The following ABCA5 variants were observed in gnomAD, a reference collection of about 807,000 sequenced individuals.
The protein encoded by ABCA5 is cholesterol transporter ABCA5.
A neutral mutation model predicts 206.0 loss-of-function variants in ABCA5; 163 were observed. The ratio of observed to expected loss-of-function variants is 0.79; its 90% CI spans 0.70 to 0.90. ABCA5 has a LOEUF of 0.90. Ranked by LOEUF, ABCA5 falls within the 40% of genes least tolerant of loss-of-function variation. ABCA5 has a pLI of 0.00. For missense variants in ABCA5, 1,859 were observed against 1,912.9 expected (o/e 0.97, Z 0.53); for synonymous variants, 609 against 613.8 (o/e 0.99, Z 0.11).
chr17:69,304,875 T>G, intron 6 of ABCA5, 65 bp from the exon 7 acceptor site: 9 of 1,363,828 alleles, frequency 6.6e-6, no homozygotes, highest in Non-Finnish European at 8.7e-6. Context: ...AAAAATCATT[T>G]TAAACAAAAT....
In ABCA5 at chr17:69,261,207, G is replaced by A; in HGVS notation, c.3482C>T (p.Thr1161Ile). 2 of 1,608,916 alleles carry A rather than the reference G, an allele frequency of 1.2e-6. No homozygotes were observed. The highest frequency in any genetic ancestry group is 1.7e-6 in the Non-Finnish European group (2 of 1,177,314). The change falls in exon 26 of 39, where the codon ACA becomes ATA. Residue 1161 changes from threonine to isoleucine, a missense_variant. Transcript: ENST00000392676. Reference sequence around the variant, plus strand: ...GGCATAATGAAGAATAGTTGCAATTGTGTATCCCATAAAGAAAGTTATTTC... The same window carrying A: ...GGCATAATGAAGAATAGTTGCAATTATGTATCCCATAAAGAAAGTTATTTC... The part of the protein sequence containing the change: ...ITEITFFMGY[T>I]IATILHYAFC...
chr17:69,287,366 CAT>C (rs2075468822), intron 15 of ABCA5, among the ~76,000 whole-genome samples: 1 of 152,138 alleles, frequency 6.6e-6, no homozygotes, highest in South Asian at 2.1e-4. Flanking sequence ...TGTAATAAAT[CAT>C]AGTCATGAGT....
rs1027294540 is a variant in ABCA5 at position 69,327,112 on chromosome 17, G to C, written c.-76C>G. 6.6e-6 allele frequency: 1 copy of C among 152,166 alleles called. No individual in the cohort carries two copies. Among genetic ancestry groups the C allele is most frequent in the Admixed American group, 6.5e-5 (1 of 15,272 alleles). 9.4% of individuals were successfully genotyped at this position (152,166 alleles called of 1,614,324 possible). A position where few individuals can be genotyped will look rare whatever the true frequency, so the allele number is the denominator to read the frequency against. ...CGCGCTCAGTCTGTTGACTCAGTGC[G>C]GGTGACCCAGCTGGGATCTGTGCGA... On this transcript the variant is annotated 5_prime_UTR_variant, in exon 1 of 39. Transcript: ENST00000392676.
At chr17:69,300,779 T>C (rs920875052) in intron 9 of ABCA5, among the ~76,000 whole-genome samples, 2 of 152,124 alleles carry the variant, frequency 1.3e-5, no homozygotes, top group Non-Finnish European at 2.9e-5. Flanking sequence ...TGGCTATAGA[T>C]GTGGACAGGA....
At chr17:69,255,156 C>G (rs1404926089) in intron 31 of ABCA5, among the ~76,000 whole-genome samples, 1 of 152,062 alleles carries the variant, frequency 6.6e-6, no homozygotes, top group Non-Finnish European at 1.5e-5. Flanking sequence ...GAAATGGGAT[C>G]AGGGTAGTTT....
At chr17:69,316,053 T>C (rs1369497949) in intron 1 of ABCA5, among the ~76,000 whole-genome samples, 2 of 151,628 alleles carry the variant, frequency 1.3e-5, no homozygotes, top group African/African-American at 2.4e-5. Flanking sequence ...AAAAACACAA[T>C]AATAAATAAA....
intron 1 of ABCA5, among the ~76,000 whole-genome samples, chr17:69,321,112 C>A (rs1245676283): frequency 6.6e-6 from 1 of 152,192 alleles, no homozygotes; most frequent in Non-Finnish European, 1.5e-5. Flanking sequence ...AAGGACAATA[C>A]TGACTAGCCT....
rs755724456 is a variant in ABCA5 at position 69,314,326 on chromosome 17, CT to C, written c.89del (p.Lys30ArgfsTer17). On this transcript the variant is annotated frameshift_variant, in exon 2 of 39. Transcript: ENST00000392676. LOFTEE classifies it high-confidence loss of function. ...TTATTTAACTTACCTGAACACTACT[CT>C]TTTTGGTTCTGCATTTAATTAAGTA... ...KNYLIKCRTK[K>X]SSVQEILFPL... 1.9e-6 allele frequency: 3 copies of C among 1,611,940 alleles called. No individual in the cohort carries two copies. Among genetic ancestry groups the C allele is most frequent in the African/African-American group, 2.7e-5 (2 of 74,986 alleles).
At chr17:69,261,787 G>T in intron 24 of ABCA5, 39 bp from the exon 25 acceptor site, 1 of 827,366 alleles carries the variant, frequency 1.2e-6, no homozygotes, top group Non-Finnish European at 1.8e-6. Flanking sequence ...AATATGAATA[G>T]CTTGCAATAC....
At chr17:69,277,315 T>A (rs1325068497) in intron 19 of ABCA5, among the ~76,000 whole-genome samples, 1 of 152,150 alleles carries the variant, frequency 6.6e-6, no homozygotes, top group African/African-American at 2.4e-5. Context: ...TGTATTAATA[T>A]ATTCAAGGAA....
intron 23 of ABCA5, among the ~76,000 whole-genome samples, chr17:69,265,240 T>G (rs1417823200): frequency 6.6e-6 from 1 of 152,152 alleles, no homozygotes; most frequent in Non-Finnish European, 1.5e-5. Context: ...AAAACATTAC[T>G]ACTTTTGAAA....
chr17:69,284,817 AC>A (rs907060675), intron 17 of ABCA5, among the ~76,000 whole-genome samples: 1 of 152,220 alleles, frequency 6.6e-6, no homozygotes, highest in Non-Finnish European at 1.5e-5. Context: ...AAGGCAAATA[AC>A]ATTTTGGTAT....
chr17:69,251,190 A>G (rs2075009291), intron 35 of ABCA5: 1 of 153,178 alleles, frequency 6.5e-6, no homozygotes, highest in Non-Finnish European at 1.5e-5. Context: ...TATCTGCACA[A>G]CATCGTTTAG....
chr17:69,309,034 T>C (rs2075745455), intron 4 of ABCA5, among the ~76,000 whole-genome samples: 1 of 152,064 alleles, frequency 6.6e-6, no homozygotes, highest in African/African-American at 2.4e-5. Flanking sequence ...ATTTAATATA[T>C]ATAAATGTAT....
intron 1 of ABCA5, among the ~76,000 whole-genome samples, chr17:69,324,909 C>T (rs1445820633): frequency 6.6e-6 from 1 of 152,096 alleles, no homozygotes; most frequent in Non-Finnish European, 1.5e-5. Context: ...ACATCATTTG[C>T]TTCTCAATCA....
At position 69,244,866 on chromosome 17, in the gene ABCA5, ATAGT is replaced by A. The variant is rs968339792; in HGVS notation, c.*2667_*2670del. 8.0e-5 allele frequency: 12 copies of A among 150,122 alleles called. No individual in the cohort carries two copies. Among genetic ancestry groups the A allele is most frequent in the East Asian group, 3.9e-4 (2 of 5,170 alleles). The allele number at this position is 150,122 out of a possible 1,614,324, so 9.3% of individuals were successfully genotyped here. A position where few individuals can be genotyped will look rare whatever the true frequency, so the allele number is the denominator to read the frequency against. On this transcript the variant is annotated 3_prime_UTR_variant, in exon 39 of 39. Coordinates refer to ENST00000392676, the MANE Select transcript of ABCA5 (RefSeq NM_172232.4). ...CTACTAGCAAAGGATTTGTCATATT[ATAGT>A]TAGTTATATAAAATAATAGCTAGTT... is the stretch of plus-strand genomic sequence containing the variant.
At chr17:69,321,319 C>T (rs1033142373) in intron 1 of ABCA5, among the ~76,000 whole-genome samples, 6 of 152,130 alleles carry the variant, frequency 3.9e-5, no homozygotes, top group African/African-American at 1.4e-4. Flanking sequence ...GTGTTCCTGA[C>T]AGAAGCATAT....
At chr17:69,282,211 TA>T (rs1297806684) in intron 18 of ABCA5, among the ~76,000 whole-genome samples, 10 of 152,318 alleles carry the variant, frequency 6.6e-5, no homozygotes, top group Admixed American at 2.0e-4. Flanking sequence ...TCCTCTTTCC[TA>T]AACACCATTT....
rs1307453670 is a variant in ABCA5, at chr17:69,326,425, T to C, written c.-16+627A>G. ...CAGGGGAAAACCTCCTTCAGCTTAA[T>C]AGCTCCAGCCTGCCCAGCTTTCCGA... On this transcript the variant is annotated intron_variant, in intron 1 of 38. Transcript: ENST00000392676. This position sits in a 1 kb window ranked among gnomAD's most constrained non-coding sequence, Gnocchi z 4.8. Among the ~76,000 whole-genome samples the C allele has an allele frequency of 6.6e-6, 1 of 152,232 alleles. No individual in the cohort carries two copies. The highest frequency in any genetic ancestry group is 1.5e-5 in the Non-Finnish European group (1 of 68,044).
Sources: gnomAD v4.1 joint callset for allele counts (sites outside exome capture counted in the v4.1 genomes callset) on GRCh38, gnomAD v4.1.1 for gene constraint, Gnocchi (gnomAD v3.1) non-coding constraint, MANE v1.5 for transcripts, NCBI Gene and HGNC (gene_info 2026-07-23, HGNC 2026-07-21) for gene names.